Variants in STK32B observed in about 807,000 individuals in gnomAD.
STK32B encodes the protein serine/threonine kinase 32B.
Under a neutral mutation model 52.6 loss-of-function variants are expected in STK32B, and 43 were observed. The observed-to-expected ratio is 0.82, with a 90% CI of 0.64 to 1.05. The LOEUF is 1.05. Among genes scored for constraint, STK32B ranks in the 50% least tolerant of loss-of-function variants. STK32B has a pLI of 0.00. For missense variants in STK32B, 621 were observed against 534.6 expected (o/e 1.16, Z -1.59); for synonymous variants, 238 against 204.3 (o/e 1.17, Z -1.41).
chr4:5,097,236 A>C (rs1466238187), intron 1 of STK32B, among the ~76,000 whole-genome samples: 2 of 152,224 alleles, frequency 1.3e-5, no homozygotes, highest in African/African-American at 2.4e-5. Context: ...TTCTGCCATA[A>C]ATGGATGTGG....
chr4:5,367,523 G>T (rs1369635135), intron 4 of STK32B, among the ~76,000 whole-genome samples: 2 of 152,142 alleles, frequency 1.3e-5, no homozygotes, highest in Admixed American at 1.3e-4. Context: ...GGACGGGTAT[G>T]TGAATGGAGC....
At chr4:5,090,422 C>T (rs1388835622) in intron 1 of STK32B, among the ~76,000 whole-genome samples, 2 of 129,692 alleles carry the variant, frequency 1.5e-5, no homozygotes, top group Non-Finnish European at 3.1e-5. Flanking sequence ...GTCACCCAGG[C>T]TAGAGTGCAG....
chr4:5,481,650 G>A (rs1267048376), intron 11 of STK32B, among the ~76,000 whole-genome samples: 2 of 152,126 alleles, frequency 1.3e-5, no homozygotes, highest in Admixed American at 6.5e-5. Context: ...TAGACATGAA[G>A]TCCTTGCCCA....
At chr4:5,256,855 G>C (rs958894548) in intron 3 of STK32B, among the ~76,000 whole-genome samples, 1 of 152,166 alleles carries the variant, frequency 6.6e-6, no homozygotes, top group African/African-American at 2.4e-5. Flanking sequence ...CTTTCCTGGT[G>C]AGATGGAGCT....
the STK32B span, among the ~76,000 whole-genome samples, chr4:5,023,836 C>T: frequency 1.3e-5 from 2 of 152,176 alleles, no homozygotes; most frequent in African/African-American, 4.8e-5. Flanking sequence ...AGACACAAAC[C>T]CTGCTGTGTG....
At chr4:5,301,844 TG>T (rs1157081125) in intron 3 of STK32B, among the ~76,000 whole-genome samples, 1 of 123,708 alleles carries the variant, frequency 8.1e-6, no homozygotes, top group South Asian at 2.4e-4. Context: ...TAGTTTAGTT[TG>T]TTTTTTTTCT....
At chr4:5,178,128 C>A (rs932816158) in intron 3 of STK32B, among the ~76,000 whole-genome samples, 1 of 152,204 alleles carries the variant, frequency 6.6e-6, no homozygotes, top group South Asian at 2.1e-4. Flanking sequence ...GGGCTCTGCC[C>A]CTGCAGCAGA....
chr4:5,310,276 CA>C (rs1169111057), intron 3 of STK32B, among the ~76,000 whole-genome samples: 1 of 152,032 alleles, frequency 6.6e-6, no homozygotes, highest in Non-Finnish European at 1.5e-5. Context: ...AAAATATTTG[CA>C]AATTATTCAA....
At chr4:5,260,078 T>TAC (rs59447566) in intron 3 of STK32B, among the ~76,000 whole-genome samples, 4,672 of 151,026 alleles carry the variant, frequency 0.031, 202 homozygotes, top group African/African-American at 0.098. Context: ...CATACACACA[T>TAC]ACACACACAC....
At chr4:5,121,230 A>G (rs1459999490) in intron 1 of STK32B, among the ~76,000 whole-genome samples, 2 of 152,164 alleles carry the variant, frequency 1.3e-5, no homozygotes, top group African/African-American at 4.8e-5. Context: ...GCTCCATCCA[A>G]GTTGCTGCAA....
At position 5,164,035 on chromosome 4, in the gene STK32B, G is replaced by A. The variant is rs73091558; in HGVS notation, c.109-4264G>A. Reference sequence around the variant, plus strand: ...GGTTCTGTAGACCCATTTCACAGTAGAGGAAACTGAGGACTACAGAGTGTT... The same window carrying A: ...GGTTCTGTAGACCCATTTCACAGTAAAGGAAACTGAGGACTACAGAGTGTT... On this transcript the variant is annotated intron_variant, in intron 2 of 11. Transcript: ENST00000282908. Among the ~76,000 whole-genome samples the A allele has an allele frequency of 5.5e-3, 837 of 152,332 alleles. 14 individuals are homozygous for A. Among genetic ancestry groups the A allele is most frequent in the African/African-American group, 0.018 (764 of 41,562 alleles).
chr4:5,359,776 T>C (rs1734427330), intron 4 of STK32B, among the ~76,000 whole-genome samples: 1 of 152,028 alleles, frequency 6.6e-6, no homozygotes, highest in African/African-American at 2.4e-5. Context: ...CTTGGTTGCC[T>C]CAGGAACAGC....
intron 3 of STK32B, among the ~76,000 whole-genome samples, chr4:5,245,611 C>T (rs1725388102): frequency 6.6e-6 from 1 of 152,112 alleles, no homozygotes; most frequent in Non-Finnish European, 1.5e-5. Flanking sequence ...TTGATCCTGT[C>T]ATTATGATGT....
chr4:5,483,029 G>T (rs1347897552), intron 11 of STK32B, among the ~76,000 whole-genome samples: 2 of 152,128 alleles, frequency 1.3e-5, no homozygotes, highest in Non-Finnish European at 2.9e-5. Context: ...GTTCATCAAG[G>T]ATATTGGTCT....
intron 7 of STK32B, among the ~76,000 whole-genome samples, chr4:5,451,409 A>C (rs1715980970): frequency 6.6e-6 from 1 of 152,172 alleles, no homozygotes; most frequent in African/African-American, 2.4e-5. Context: ...GGCCAGCTGG[A>C]GGCATTTGGC....
chr4:5,247,715 C>A (rs1725563106), intron 3 of STK32B, among the ~76,000 whole-genome samples: 1 of 152,188 alleles, frequency 6.6e-6, no homozygotes, highest in Non-Finnish European at 1.5e-5. Context: ...ATCTTGGCTC[C>A]ACCCCTTTGA....
In STK32B at chr4:5,473,067, T is replaced by C. The variant is rs561690917; in HGVS notation, c.1106+4997T>C. Among the ~76,000 whole-genome samples the C allele has an allele frequency of 2.6e-4, 40 of 152,312 alleles. No homozygotes were observed. The South Asian group carries it at 7.3e-3, about 28-fold the overall frequency. On this transcript the variant is annotated intron_variant, in intron 11 of 11. Coordinates refer to ENST00000282908, the MANE Select transcript of STK32B (RefSeq NM_018401.3). Reference sequence around the variant, plus strand: ...GAGCCAGTGCTTTAGTCCTTACTTATCACATTTCCCTAAAAGAAATATCAT... The same window carrying C: ...GAGCCAGTGCTTTAGTCCTTACTTACCACATTTCCCTAAAAGAAATATCAT...
intron 3 of STK32B, among the ~76,000 whole-genome samples, chr4:5,172,268 A>T (rs1719443678): frequency 6.6e-6 from 1 of 152,126 alleles, no homozygotes; most frequent in Non-Finnish European, 1.5e-5. Flanking sequence ...GGACAATTTG[A>T]CTTCCTCTTT....
At chr4:5,292,543 C>T (rs1449748366) in intron 3 of STK32B, among the ~76,000 whole-genome samples, 1 of 151,696 alleles carries the variant, frequency 6.6e-6, no homozygotes, top group Non-Finnish European at 1.5e-5. Context: ...AATATTAGTG[C>T]TTTATTGGGT....
Sources: gnomAD v4.1 joint callset for allele counts (sites outside exome capture counted in the v4.1 genomes callset) on GRCh38, gnomAD v4.1.1 for gene constraint, MANE v1.5 for transcripts, NCBI Gene and HGNC (gene_info 2026-07-23, HGNC 2026-07-21) for gene names.